CFTR: variants seen among roughly 807,000 people sequenced by gnomAD.
CFTR encodes the protein cystic fibrosis transmembrane conductance regulator.
CFTR carries 181 observed loss-of-function variants against 171.6 expected under a neutral mutation model. That is an observed-to-expected ratio of 1.05 (90% CI 0.93 to 1.19). CFTR has a LOEUF of 1.19. Ranked by LOEUF, CFTR falls within the 50% of genes most tolerant of loss-of-function variation. CFTR has a pLI of 0.00. For synonymous variants in CFTR, 583 were observed against 608.0 expected, an observed-to-expected ratio of 0.96 and a Z score of 0.60; for missense variants, 1,968 against 1,734.7, an observed-to-expected ratio of 1.13 and a Z score of -2.39.
At chr7:117,513,452 G>A (rs1798552577) in intron 3 of CFTR, among the ~76,000 whole-genome samples, 1 of 130,356 alleles carries the variant, frequency 7.7e-6, no homozygotes, top group African/African-American at 3.0e-5. Flanking sequence ...AAAAAAAAAA[G>A]GTCTAGAAAG....
rs879872414 is a variant in CFTR at position 117,496,899 on chromosome 7, G to GT, written c.54-7344dup. On this transcript the variant is annotated intron_variant, in intron 1 of 26. Coordinates refer to ENST00000003084, the MANE Select transcript of CFTR (RefSeq NM_000492.4). Reference sequence around the variant, plus strand: ...GGCATGAAGTGGTATTTCATTGTGAGTTTTTTTTTTCTTTTTCTTTTTTTC... The same window carrying GT: ...GGCATGAAGTGGTATTTCATTGTGAGTTTTTTTTTTTCTTTTTCTTTTTTTC... Among the ~76,000 whole-genome samples, 1,118 of 147,788 alleles carry GT rather than the reference G, an allele frequency of 7.6e-3. 4 individuals are homozygous for GT. Among genetic ancestry groups the GT allele is most frequent in the Non-Finnish European group, 0.012 (800 of 66,682 alleles).
intron 3 of CFTR, among the ~76,000 whole-genome samples, chr7:117,525,480 GGT>G (rs2116663197): frequency 1.0e-5 from 1 of 100,108 alleles, no homozygotes; most frequent in African/African-American, 4.0e-5. Context: ...TTGACAGTGG[GGT>G]GTTAAAGTCT....
intron 18 of CFTR, among the ~76,000 whole-genome samples, chr7:117,608,750 A>G (rs1290557969): frequency 6.6e-6 from 1 of 152,136 alleles, no homozygotes; most frequent in African/African-American, 2.4e-5. Flanking sequence ...ACCTCTGGTT[A>G]TACTTAATTT....
chr7:117,482,062 T>C (rs1480113354), intron 1 of CFTR, among the ~76,000 whole-genome samples: 1 of 152,248 alleles, frequency 6.6e-6, no homozygotes, highest in Non-Finnish European at 1.5e-5. Flanking sequence ...TCACAGTACA[T>C]GCACCTTGTT....
At chr7:117,664,132 A>G (rs1237772082) in intron 24 of CFTR, among the ~76,000 whole-genome samples, 1 of 152,160 alleles carries the variant, frequency 6.6e-6, no homozygotes, top group Non-Finnish European at 1.5e-5. Flanking sequence ...AATTTTCCAT[A>G]TGTAATTTAA....
At chr7:117,490,986 T>G (rs1450272658) in intron 1 of CFTR, among the ~76,000 whole-genome samples, 1 of 152,108 alleles carries the variant, frequency 6.6e-6, no homozygotes, top group Non-Finnish European at 1.5e-5. Flanking sequence ...ACAATGGGAA[T>G]GCGTTCTGGG....
intron 3 of CFTR, among the ~76,000 whole-genome samples, chr7:117,510,314 A>G (rs1334239038): frequency 6.6e-6 from 1 of 152,168 alleles, no homozygotes; most frequent in East Asian, 1.9e-4. Context: ...AAACAATTTT[A>G]TTCACAGCTT....
In CFTR at chr7:117,642,605, G is replaced by A; in HGVS notation, c.3873+12G>A. On this transcript the variant is annotated intron_variant, in intron 23 of 26. Coordinates refer to ENST00000003084, the MANE Select transcript of CFTR (RefSeq NM_000492.4). ...GAGTGATACCACAGGTGAGCAAAAGGACTTAGCCAGAAAAAAGGCAACTAA... is the reference window on the plus strand; with the variant it reads ...GAGTGATACCACAGGTGAGCAAAAGAACTTAGCCAGAAAAAAGGCAACTAA... 1 of 1,612,926 alleles carries A rather than the reference G, an allele frequency of 6.2e-7. No individual in the cohort carries two copies.
At chr7:117,639,082 G>A (rs1284738940) in intron 22 of CFTR, among the ~76,000 whole-genome samples, 2 of 152,062 alleles carry the variant, frequency 1.3e-5, no homozygotes, top group Non-Finnish European at 1.5e-5. Context: ...TGTTGGTTAT[G>A]GTGAAGAGGT....
chr7:117,607,973 A>T (rs1440504112), intron 18 of CFTR, among the ~76,000 whole-genome samples: 1 of 152,206 alleles, frequency 6.6e-6, no homozygotes, highest in Non-Finnish European at 1.5e-5. Context: ...AAGAGTGTAA[A>T]TAACTGGTCC....
chr7:117,500,956 A>G (rs2116630543), intron 1 of CFTR, among the ~76,000 whole-genome samples: 1 of 152,336 alleles, frequency 6.6e-6, no homozygotes, highest in East Asian at 1.9e-4. Context: ...AAAGCAGCTC[A>G]CAAATTGTGT....
chr7:117,492,840 A>G (rs1027603772), intron 1 of CFTR, among the ~76,000 whole-genome samples: 1 of 152,032 alleles, frequency 6.6e-6, no homozygotes. Context: ...GCTCACACAT[A>G]CATAATTTAT....
intron 13 of CFTR, 108 bp from the exon 14 acceptor site, chr7:117,591,826 T>TA: frequency 1.5e-6 from 1 of 658,198 alleles, no homozygotes; most frequent in Non-Finnish European, 2.5e-6. Flanking sequence ...AATAAAATTG[T>TA]ATGATAGAGA....
intron 23 of CFTR, among the ~76,000 whole-genome samples, chr7:117,645,641 A>G (rs1792986424): frequency 6.6e-6 from 1 of 151,874 alleles, no homozygotes; most frequent in African/African-American, 2.4e-5. Context: ...TACAAATTAG[A>G]CTTTTCAAAG....
chr7:117,521,082 T>A (rs1798678659), intron 3 of CFTR, among the ~76,000 whole-genome samples: 1 of 152,002 alleles, frequency 6.6e-6, no homozygotes, highest in African/African-American at 2.4e-5. Context: ...ATCTTATTGC[T>A]ATTACATTGT....
chr7:117,601,494 A>G (rs1322820224), intron 15 of CFTR, among the ~76,000 whole-genome samples: 2 of 152,136 alleles, frequency 1.3e-5, no homozygotes, highest in Admixed American at 6.5e-5. Flanking sequence ...TTCTTAATTT[A>G]AGTGTTCCCC....
chr7:117,548,863 T>C, intron 10 of CFTR, 40 bp downstream of exon 10: 1 of 1,577,366 alleles, frequency 6.3e-7, no homozygotes, highest in East Asian at 2.3e-5. Context: ...CTTAATTTGG[T>C]GTCCATGTCT....
At chr7:117,641,393 A>G (rs566668238) in intron 22 of CFTR, among the ~76,000 whole-genome samples, 17 of 152,184 alleles carry the variant, frequency 1.1e-4, no homozygotes, top group Non-Finnish European at 2.1e-4. Context: ...TGAAGTATTG[A>G]TATGTAGTGA....
chr7:117,532,097 AAC>A (rs1010481237), intron 4 of CFTR, among the ~76,000 whole-genome samples: 7 of 152,118 alleles, frequency 4.6e-5, no homozygotes, highest in African/African-American at 1.7e-4. Context: ...AAACAAAAAA[AAC>A]AGAGTCCACA....
Sources: gnomAD v4.1 joint callset for allele counts (sites outside exome capture counted in the v4.1 genomes callset) on GRCh38, gnomAD v4.1.1 for gene constraint, MANE v1.5 for transcripts, NCBI Gene and HGNC (gene_info 2026-07-23, HGNC 2026-07-21) for gene names.